The following RBM46 variants were observed in gnomAD, a reference collection of about 807,000 sequenced individuals.
RBM46 encodes the protein probable RNA-binding protein 46.
A neutral mutation model predicts 43.3 loss-of-function variants in RBM46; 12 were observed. The ratio of observed to expected loss-of-function variants is 0.28; its 90% CI spans 0.18 to 0.45. The LOEUF is 0.45. Among genes scored for constraint, RBM46 ranks in the 20% least tolerant of loss-of-function variants. The pLI is 1.00. For missense variants in RBM46, 412 were observed against 639.1 expected (o/e 0.64, Z 3.83); for synonymous variants, 205 against 207.6 (o/e 0.99, Z 0.11).
intron 4 of RBM46, among the ~76,000 whole-genome samples, chr4:154,818,303 A>T (rs156571): frequency 3.3e-5 from 5 of 151,836 alleles, no homozygotes; most frequent in African/African-American, 9.7e-5. Context: ...CTCTATTTTC[A>T]TTTGTCTGAA....
intron 4 of RBM46, among the ~76,000 whole-genome samples, chr4:154,824,981 A>G (rs1237121131): frequency 6.6e-6 from 1 of 152,110 alleles, no homozygotes; most frequent in Non-Finnish European, 1.5e-5. Context: ...AATTATCAAA[A>G]CTCATTGAAA....
intron 1 of RBM46, among the ~76,000 whole-genome samples, chr4:154,786,763 C>T (rs896949947): frequency 6.6e-6 from 1 of 151,982 alleles, no homozygotes; most frequent in Non-Finnish European, 1.5e-5. Flanking sequence ...CCCACCTCTA[C>T]TAAAAATACA....
chr4:154,828,205 A>T lies in RBM46; in HGVS notation c.*138A>T. 2 of 647,830 alleles carry T rather than the reference A, an allele frequency of 3.1e-6. No individual in the cohort carries two copies. The highest frequency in any genetic ancestry group is 5.4e-6 in the Non-Finnish European group (2 of 371,916). 40.1% of individuals were successfully genotyped at this position (647,830 alleles called of 1,614,324 possible). The stretch of plus-strand genomic sequence containing the variant: ...TATTTATTCCAAAGTACTAAACATC[A>T]GCTATAATTCAGAATAACATGGAGT... On this transcript the variant is annotated 3_prime_UTR_variant, in exon 5 of 5. Coordinates refer to ENST00000281722, the MANE Select transcript of RBM46 (RefSeq NM_144979.5).
At chr4:154,825,574 A>G (rs962074809) in intron 4 of RBM46, among the ~76,000 whole-genome samples, 24 of 152,336 alleles carry the variant, frequency 1.6e-4, no homozygotes, top group African/African-American at 5.3e-4. Flanking sequence ...TGCTACATGA[A>G]TAAAGTCATC....
chr4:154,818,257 A>AT (rs999500613), intron 4 of RBM46, among the ~76,000 whole-genome samples: 22 of 151,948 alleles, frequency 1.4e-4, no homozygotes, highest in Non-Finnish European at 2.8e-4. Context: ...ACTGATTCAT[A>AT]TTTTCTTTTG....
chr4:154,828,370 G>GTT lies in RBM46; in HGVS notation c.*317_*318dup, dbSNP rs34773010. 7.3e-4 allele frequency: 143 copies of GTT among 194,916 alleles called. No homozygotes were observed. The highest frequency in any genetic ancestry group is 2.1e-3 in the Middle Eastern group (1 of 476). The allele number at this position is 194,916 out of a possible 1,614,324, so 12.1% of individuals were successfully genotyped here. A position where few individuals can be genotyped will look rare whatever the true frequency, so the allele number is the denominator to read the frequency against. ...TGGGCAATAGAACCTAGTCATTTAT[G>GTT]TTTTTTTTTTTTTTTGCATAATTTT... On this transcript the variant is annotated 3_prime_UTR_variant, in exon 5 of 5. Transcript: ENST00000281722.
intron 1 of RBM46, among the ~76,000 whole-genome samples, chr4:154,794,883 T>A (rs1315026776): frequency 2.1e-5 from 3 of 144,268 alleles, no homozygotes; most frequent in Non-Finnish European, 4.7e-5. Context: ...TACCTCTTAT[T>A]ATTTGCTTTT....
At chr4:154,793,836 G>T (rs1420583102) in intron 1 of RBM46, among the ~76,000 whole-genome samples, 1 of 152,128 alleles carries the variant, frequency 6.6e-6, no homozygotes, top group Non-Finnish European at 1.5e-5. Context: ...GAGCACGGTC[G>T]ATTCCATTTC....
In RBM46 at chr4:154,805,215, G is replaced by A. The variant is rs144636543; in HGVS notation, c.1402+5651G>A. ...ACATTAGTTAATTAAAATTTCATTA[G>A]TCCTGTTTCTTAAAACTTTGCTTTT... On this transcript the variant is annotated intron_variant, in intron 4 of 4. Coordinates refer to ENST00000281722, the MANE Select transcript of RBM46 (RefSeq NM_144979.5). Among the ~76,000 whole-genome samples the A allele has an allele frequency of 2.3e-3, 346 of 152,182 alleles. 1 individual carries two copies. The highest frequency in any genetic ancestry group is 8.1e-3 in the African/African-American group (338 of 41,558).
chr4:154,806,590 AATATC>A (rs1734916879), intron 4 of RBM46, among the ~76,000 whole-genome samples: 4 of 151,918 alleles, frequency 2.6e-5, no homozygotes, highest in South Asian at 4.1e-4. Flanking sequence ...CCATCAGTTT[AATATC>A]CCTTCCTTTA....
At chr4:154,790,618 A>G (rs1259301024) in intron 1 of RBM46, 1 of 152,228 alleles carries the variant, frequency 6.6e-6, no homozygotes, top group African/African-American at 2.4e-5. Context: ...ATATTCTATG[A>G]TATTACAATT....
At chr4:154,788,440 G>C (rs1287132684) in intron 1 of RBM46, among the ~76,000 whole-genome samples, 1 of 150,774 alleles carries the variant, frequency 6.6e-6, no homozygotes, top group Non-Finnish European at 1.5e-5. Flanking sequence ...TTACTAAATA[G>C]GGAATCGTTT....
chr4:154,810,456 G>A (rs1249750565), intron 4 of RBM46, among the ~76,000 whole-genome samples: 3 of 143,240 alleles, frequency 2.1e-5, no homozygotes, highest in Non-Finnish European at 4.7e-5. Context: ...GCTGTTTAGT[G>A]TGTAAATACT....
intron 4 of RBM46, among the ~76,000 whole-genome samples, chr4:154,804,375 A>C (rs1368933925): frequency 6.6e-6 from 1 of 152,194 alleles, no homozygotes; most frequent in East Asian, 1.9e-4. Flanking sequence ...TAATAAAGCA[A>C]ACTATCAAGG....
chr4:154,811,653 GTGTGTGTGTGTGTGTC>G lies in RBM46; in HGVS notation c.1402+12105_1402+12120del, dbSNP rs1050355345. On this transcript the variant is annotated intron_variant, in intron 4 of 4. Transcript: ENST00000281722. ...CAGTTCCTTGTGGTAGATAGGATAT[GTGTGTGTGTGTGTGTC>G]TGTGTGTGTGTGTGTGTGTGTGTGT... 1.4e-3 allele frequency among the ~76,000 whole-genome samples: 172 copies of G among 125,006 alleles called. 2 individuals carry two copies. In the South Asian group the frequency reaches 0.042, roughly 31 times the overall value. The allele number at this position is 125,006 out of a possible 152,430, so 82.0% of individuals were successfully genotyped here. A position where few individuals can be genotyped will look rare whatever the true frequency, so the allele number is the denominator to read the frequency against.
In RBM46 at chr4:154,799,077, A is replaced by G; in HGVS notation, c.915A>G (p.Leu305=). The change falls in exon 4 of 5, where the codon CTA becomes CTG. Residue 305 remains leucine (L), a synonymous_variant. Coordinates refer to ENST00000281722, the MANE Select transcript of RBM46 (RefSeq NM_144979.5). ...ATGGAGCAAGTATTGAGGTAACACTAGCTAAACCAGTAAATAAAGAAAACA... is the reference window on the plus strand; with the variant it reads ...ATGGAGCAAGTATTGAGGTAACACTGGCTAAACCAGTAAATAAAGAAAACA... ...CIDGASIEVT[L]AKPVNKENTW... 2 of 1,614,050 alleles carry G rather than the reference A, an allele frequency of 1.2e-6. No individual in the cohort carries two copies. The highest frequency in any genetic ancestry group is 1.7e-6 in the Non-Finnish European group (2 of 1,179,946).
At chr4:154,792,471 GTC>G in intron 1 of RBM46, among the ~76,000 whole-genome samples, 1 of 152,268 alleles carries the variant, frequency 6.6e-6, no homozygotes, top group South Asian at 2.1e-4. Context: ...CTCCTTCCGT[GTC>G]TCATTCATTG....
chr4:154,820,511 GA>G, intron 4 of RBM46: 1 of 662,528 alleles, frequency 1.5e-6, no homozygotes, highest in South Asian at 2.6e-5. Flanking sequence ...TCTTTATAAT[GA>G]AAAGAATGAA....
chr4:154,826,738 C>CTT, intron 4 of RBM46: 1 of 998,970 alleles, frequency 1.0e-6, no homozygotes, highest in East Asian at 2.9e-5. Flanking sequence ...TTTCATTTTT[C>CTT]CTTTTTTTTT....
Sources: gnomAD v4.1 joint callset for allele counts (sites outside exome capture counted in the v4.1 genomes callset) on GRCh38, gnomAD v4.1.1 for gene constraint, MANE v1.5 for transcripts, NCBI Gene and HGNC (gene_info 2026-07-23, HGNC 2026-07-21) for gene names.